The following RPS6KC1 variants were observed in gnomAD, a reference collection of about 807,000 sequenced individuals.
The protein encoded by RPS6KC1 is ribosomal protein S6 kinase C1, also known as inactive ribosomal protein S6 kinase delta-1.
Under a neutral mutation model 103.8 loss-of-function variants are expected in RPS6KC1, and 54 were observed. The observed-to-expected ratio is 0.52, with a 90% CI of 0.42 to 0.65. RPS6KC1 has a LOEUF of 0.65. Among genes scored for constraint, RPS6KC1 ranks in the 30% least tolerant of loss-of-function variants. RPS6KC1 has a pLI of 0.00. For synonymous variants in RPS6KC1, 439 were observed against 438.7 expected, an observed-to-expected ratio of 1.00 and a Z score of -0.01; for missense variants, 1,151 against 1,253.8, an observed-to-expected ratio of 0.92 and a Z score of 1.24.
chr1:213,093,208 CTT>C (rs778283618), intron 3 of RPS6KC1, among the ~76,000 whole-genome samples: 87 of 136,020 alleles, frequency 6.4e-4, no homozygotes, highest in Admixed American at 7.4e-4. Context: ...TAATAATCTA[CTT>C]TTTTTTTTTT....
At chr1:213,593,916 A>G in the RPS6KC1 span, among the ~76,000 whole-genome samples, 1 of 151,986 alleles carries the variant, frequency 6.6e-6, no homozygotes, top group African/African-American at 2.4e-5. Flanking sequence ...CCCAGGCTGG[A>G]GTGCAGTGGT....
At chr1:213,649,993 A>G in the RPS6KC1 span, among the ~76,000 whole-genome samples, 18 of 152,300 alleles carry the variant, frequency 1.2e-4, no homozygotes, top group South Asian at 3.7e-3. Flanking sequence ...AACTGAGAGT[A>G]GGTATTATGA....
the RPS6KC1 span, among the ~76,000 whole-genome samples, chr1:213,357,606 C>T: frequency 6.6e-6 from 1 of 152,200 alleles, no homozygotes; most frequent in Admixed American, 6.5e-5. Context: ...AGAGTGCAGG[C>T]CACTGGCTCT....
chr1:213,105,736 A>G (rs2082424384), intron 4 of RPS6KC1, among the ~76,000 whole-genome samples: 1 of 152,234 alleles, frequency 6.6e-6, no homozygotes, highest in Middle Eastern at 3.2e-3. Flanking sequence ...TGATTTCTGC[A>G]TATGGCCCTA....
At chr1:213,389,195 G>A in the RPS6KC1 span, among the ~76,000 whole-genome samples, 1 of 151,954 alleles carries the variant, frequency 6.6e-6, no homozygotes, top group Non-Finnish European at 1.5e-5. Context: ...ATTTACAAAT[G>A]GTAATGTACC....
chr1:213,724,064 T>C, the RPS6KC1 span, among the ~76,000 whole-genome samples: 2 of 152,160 alleles, frequency 1.3e-5, no homozygotes, highest in African/African-American at 2.4e-5. Flanking sequence ...AGAGCAGAAA[T>C]CCTTCCTCTG....
chr1:213,262,195 A>AAAATGAAGG (rs749527396), intron 13 of RPS6KC1, among the ~76,000 whole-genome samples: 2 of 152,166 alleles, frequency 1.3e-5, no homozygotes, highest in Non-Finnish European at 2.9e-5. Context: ...TCCTGGGAAG[A>AAAATGAAGG]AAATGAAGGA....
At chr1:213,777,196 TG>T in the RPS6KC1 span, among the ~76,000 whole-genome samples, 1 of 152,218 alleles carries the variant, frequency 6.6e-6, no homozygotes, top group Non-Finnish European at 1.5e-5. Context: ...ATTCGCAAAT[TG>T]GGTAACTGTT....
the RPS6KC1 span, among the ~76,000 whole-genome samples, chr1:213,358,365 G>C: frequency 2.0e-5 from 3 of 151,986 alleles, no homozygotes; most frequent in Non-Finnish European, 4.4e-5. Context: ...GTCTTGGGAG[G>C]GTGTATGTGT....
the RPS6KC1 span, among the ~76,000 whole-genome samples, chr1:213,847,345 G>A: frequency 1.3e-5 from 2 of 152,128 alleles, no homozygotes; most frequent in Non-Finnish European, 2.9e-5. Context: ...AGACCCAGGA[G>A]GTTGCTTGTT....
At chr1:213,774,586 TA>T in the RPS6KC1 span, among the ~76,000 whole-genome samples, 1 of 152,214 alleles carries the variant, frequency 6.6e-6, no homozygotes, top group East Asian at 1.9e-4. Context: ...TTTTCATAGG[TA>T]AGAGAGTTCA....
chr1:213,672,382 T>A, the RPS6KC1 span, among the ~76,000 whole-genome samples: 1 of 152,140 alleles, frequency 6.6e-6, no homozygotes, highest in Non-Finnish European at 1.5e-5. Context: ...GATTCCAGCC[T>A]TCACTGCTCT....
chr1:213,217,319 C>T (rs2093692809), intron 8 of RPS6KC1, among the ~76,000 whole-genome samples: 1 of 151,972 alleles, frequency 6.6e-6, no homozygotes, highest in African/African-American at 2.4e-5. Flanking sequence ...AAGACTAAAC[C>T]AGGAAGAAGT....
the RPS6KC1 span, among the ~76,000 whole-genome samples, chr1:213,417,709 G>A: frequency 1.1e-4 from 17 of 152,130 alleles, no homozygotes; most frequent in Admixed American, 5.2e-4. Context: ...GCTTTCGGGC[G>A]GGCTCCCTCA....
At chr1:213,618,182 A>G in the RPS6KC1 span, among the ~76,000 whole-genome samples, 2 of 152,240 alleles carry the variant, frequency 1.3e-5, no homozygotes, top group Non-Finnish European at 2.9e-5. Flanking sequence ...GATTATAAAA[A>G]GCAATAAACT....
At chr1:213,529,837 A>T in the RPS6KC1 span, among the ~76,000 whole-genome samples, 1 of 152,088 alleles carries the variant, frequency 6.6e-6, no homozygotes, top group Non-Finnish European at 1.5e-5. Context: ...AATTGAATTG[A>T]TTAGTTTCTG....
At chr1:213,453,151 C>A in the RPS6KC1 span, among the ~76,000 whole-genome samples, 1 of 152,074 alleles carries the variant, frequency 6.6e-6, no homozygotes. Flanking sequence ...ACTTCGGTAT[C>A]TTGACACATT....
At chr1:213,696,662 T>G in the RPS6KC1 span, among the ~76,000 whole-genome samples, 1 of 152,208 alleles carries the variant, frequency 6.6e-6, no homozygotes. Flanking sequence ...TAATTCCATA[T>G]TTTCATGCTT....
chr1:213,400,768 GC>G, the RPS6KC1 span, among the ~76,000 whole-genome samples: 3 of 151,126 alleles, frequency 2.0e-5, no homozygotes, highest in South Asian at 2.1e-4. Flanking sequence ...GTGCAGTGGC[GC>G]GATCTCGGCT....
Sources: gnomAD v4.1 joint callset for allele counts (sites outside exome capture counted in the v4.1 genomes callset) on GRCh38, gnomAD v4.1.1 for gene constraint, MANE v1.5 for transcripts, NCBI Gene and HGNC (gene_info 2026-07-23, HGNC 2026-07-21) for gene names.